IPCEF1: variants seen among roughly 807,000 people sequenced by gnomAD.
The protein encoded by IPCEF1 is interaction protein for cytohesin exchange factors 1, also known as interactor protein for cytohesin exchange factors 1.
A neutral mutation model predicts 50.9 loss-of-function variants in IPCEF1; 31 were observed. The ratio of observed to expected loss-of-function variants is 0.61; its 90% CI spans 0.46 to 0.82. The LOEUF (loss-of-function observed/expected upper bound fraction) is 0.82, where lower values mean the gene tolerates loss of function less well. IPCEF1 is among the 40% of genes least tolerant of loss of function. IPCEF1 has a pLI of 0.00. For synonymous variants in IPCEF1, 181 were observed against 192.0 expected, an observed-to-expected ratio of 0.94 and a Z score of 0.47; for missense variants, 458 against 514.0, an observed-to-expected ratio of 0.89 and a Z score of 1.05.
intron 5 of IPCEF1, among the ~76,000 whole-genome samples, chr6:154,233,040 C>G (rs1251711417): frequency 6.7e-6 from 1 of 148,260 alleles, no homozygotes; most frequent in East Asian, 2.0e-4. Context: ...GCAATCTCAT[C>G]TCACTGCAAC....
intron 5 of IPCEF1, among the ~76,000 whole-genome samples, chr6:154,229,376 G>C (rs1779531542): frequency 1.5e-5 from 2 of 134,324 alleles, no homozygotes; most frequent in Non-Finnish European, 3.1e-5. Flanking sequence ...TTGAGACGGA[G>C]TCTCTCTCTG....
At chr6:154,210,929 A>C (rs1052495773) in intron 9 of IPCEF1, among the ~76,000 whole-genome samples, 2 of 152,250 alleles carry the variant, frequency 1.3e-5, no homozygotes, top group Non-Finnish European at 2.9e-5. Flanking sequence ...GTGAAAAAAC[A>C]GTAGAGGTCA....
intron 11 of IPCEF1, among the ~76,000 whole-genome samples, chr6:154,163,472 A>G (rs1425974349): frequency 6.6e-6 from 1 of 152,010 alleles, no homozygotes; most frequent in Non-Finnish European, 1.5e-5. Context: ...CCCCTTTTCT[A>G]TTCTTTATCA....
At chr6:154,238,036 A>C (rs926939658) in intron 5 of IPCEF1, among the ~76,000 whole-genome samples, 1 of 152,222 alleles carries the variant, frequency 6.6e-6, no homozygotes, top group South Asian at 2.1e-4. Context: ...CAAATCAACT[A>C]TCATATATGC....
intron 1 of IPCEF1, among the ~76,000 whole-genome samples, chr6:154,318,485 C>A (rs1163485138): frequency 2.0e-5 from 3 of 152,070 alleles, no homozygotes; most frequent in Admixed American, 2.0e-4. Context: ...CAGATTGGGA[C>A]CGAGATGGAA....
intron 5 of IPCEF1, among the ~76,000 whole-genome samples, chr6:154,245,542 T>A (rs557860282): frequency 6.6e-6 from 1 of 152,246 alleles, no homozygotes; most frequent in Non-Finnish European, 1.5e-5. Context: ...ACAAACAATA[T>A]GCAGTACTTA....
At chr6:154,194,338 GC>G (rs1478094430) in intron 10 of IPCEF1, among the ~76,000 whole-genome samples, 1 of 152,130 alleles carries the variant, frequency 6.6e-6, no homozygotes, top group Non-Finnish European at 1.5e-5. Context: ...GGCAGAGGTT[GC>G]CGTGAGCTGA....
chr6:154,301,507 G>A (rs971667907), intron 1 of IPCEF1, among the ~76,000 whole-genome samples: 2 of 152,176 alleles, frequency 1.3e-5, no homozygotes, highest in East Asian at 1.9e-4. Flanking sequence ...GCATAGAACA[G>A]GCTGCATTCT....
intron 7 of IPCEF1, chr6:154,217,366 C>T (rs1188651450): frequency 2.0e-5 from 3 of 151,676 alleles, no homozygotes; most frequent in African/African-American, 7.3e-5. Context: ...CTCCCTCTGC[C>T]ACATGGAGAT....
intron 5 of IPCEF1, among the ~76,000 whole-genome samples, chr6:154,244,301 G>GTGT (rs1554298352): frequency 5.1e-4 from 75 of 148,056 alleles, no homozygotes; most frequent in East Asian, 1.2e-3. Context: ...TGTGTGGGTG[G>GTGT]GTGTGTGTGT....
chr6:154,250,645 C>T (rs566671798), intron 3 of IPCEF1, among the ~76,000 whole-genome samples: 4 of 152,320 alleles, frequency 2.6e-5, no homozygotes, highest in East Asian at 3.9e-4. Context: ...TTGGGGCTAA[C>T]GCCCAGGTTA....
At chr6:154,238,390 G>A (rs1302018258) in intron 5 of IPCEF1, among the ~76,000 whole-genome samples, 1 of 151,982 alleles carries the variant, frequency 6.6e-6, no homozygotes, top group African/African-American at 2.4e-5. Flanking sequence ...CAAGTAGCTG[G>A]AATTACAGGC....
At chr6:154,173,997 A>AAG (rs1292048464) in intron 10 of IPCEF1, among the ~76,000 whole-genome samples, 1 of 152,222 alleles carries the variant, frequency 6.6e-6, no homozygotes, top group East Asian at 1.9e-4. Context: ...TACAAGCCAG[A>AAG]AGAGAGTGGG....
intron 3 of IPCEF1, chr6:154,247,704 T>G (rs573240013): frequency 6.5e-5 from 29 of 445,798 alleles, no homozygotes; most frequent in African/African-American, 5.2e-4. Context: ...AAAAAAAAAG[T>G]CACAGAGCAT....
At chr6:154,209,146 T>G (rs1224165735) in intron 9 of IPCEF1, among the ~76,000 whole-genome samples, 1 of 152,240 alleles carries the variant, frequency 6.6e-6, no homozygotes, top group Admixed American at 6.5e-5. Flanking sequence ...CTGAATTAAA[T>G]ATTTTCAAGA....
chr6:154,191,964 C>G (rs1801928014), intron 10 of IPCEF1, among the ~76,000 whole-genome samples: 1 of 150,606 alleles, frequency 6.6e-6, no homozygotes, highest in African/African-American at 2.4e-5. Flanking sequence ...TAAGAGCCCA[C>G]AACTGAAAAA....
At chr6:154,172,722 G>T (rs889025705) in intron 10 of IPCEF1, among the ~76,000 whole-genome samples, 1 of 152,254 alleles carries the variant, frequency 6.6e-6, no homozygotes, top group Non-Finnish European at 1.5e-5. Context: ...TTCCACCTCT[G>T]GGGGCAGGGC....
chr6:154,171,608 G>A (rs1032087544), intron 10 of IPCEF1, among the ~76,000 whole-genome samples: 1 of 152,176 alleles, frequency 6.6e-6, no homozygotes, highest in African/African-American at 2.4e-5. Context: ...TTTCATGTGT[G>A]AATGTTATGG....
At chr6:154,253,196 G>C (rs570245253) in intron 3 of IPCEF1, among the ~76,000 whole-genome samples, 1 of 150,612 alleles carries the variant, frequency 6.6e-6, no homozygotes, top group Non-Finnish European at 1.5e-5. Flanking sequence ...TGCTTTTTTT[G>C]TTGTTGTTGT....
Sources: allele counts gnomAD v4.1 joint callset (sites outside exome capture counted in the v4.1 genomes callset), GRCh38; gene constraint gnomAD v4.1.1; transcripts MANE v1.5; gene names NCBI Gene and HGNC (gene_info 2026-07-23, HGNC 2026-07-21).